The following SMARCC2 variants were observed in gnomAD, a reference collection of about 807,000 sequenced individuals.
The protein encoded by SMARCC2 is SWI/SNF related BAF chromatin remodeling complex subunit C2.
A neutral mutation model predicts 151.3 loss-of-function variants in SMARCC2; 15 were observed. The ratio of observed to expected loss-of-function variants is 0.10; its 90% CI spans 0.07 to 0.15. The LOEUF (loss-of-function observed/expected upper bound fraction) is 0.15, where lower values mean the gene tolerates loss of function less well. Ranked by LOEUF, SMARCC2 falls within the 10% of genes least tolerant of loss-of-function variation. The probability of loss-of-function intolerance (pLI) is 1.00; values close to 1 mark genes in which losing one functional copy is unlikely to be tolerated. For synonymous variants in SMARCC2, 590 were observed against 609.5 expected (o/e 0.97, Z 0.47); for missense variants, 1,031 against 1,599.7 (o/e 0.64, Z 6.06).
chr12:56,164,594 CAGGAGG>C lies in SMARCC2; in HGVS notation c.3364_3369del (p.Pro1122_Pro1123del), dbSNP rs768965678. 1.2e-6 allele frequency: 2 copies of C among 1,612,690 alleles called. No individual in the cohort carries two copies. Among genetic ancestry groups the C allele is most frequent in the African/African-American group, 1.3e-5 (1 of 74,784 alleles). ...CTACCAAATGGGATGATGGATGGAG[CAGGAGG>C]AGGAGGAGGAGGCGGCATGCCAAAA... On this transcript the variant is annotated inframe_deletion, in exon 28 of 29. Transcript: ENST00000550164.
chr12:56,178,961 GCT>G (rs774858690), intron 12 of SMARCC2, 34 bp downstream of exon 12: 1 of 1,611,738 alleles, frequency 6.2e-7, no homozygotes, highest in Non-Finnish European at 8.5e-7. Context: ...CCTTCCCTTG[GCT>G]CTGACTGCCG....
At chr12:56,166,387 G>A (rs1433464792) in intron 26 of SMARCC2, among the ~76,000 whole-genome samples, 3 of 151,912 alleles carry the variant, frequency 2.0e-5, no homozygotes, top group Non-Finnish European at 1.5e-5. Flanking sequence ...CCTTGATCTC[G>A]TGATCCACCT....
intron 25 of SMARCC2, among the ~76,000 whole-genome samples, chr12:56,169,205 G>T (rs1208204235): frequency 1.3e-5 from 2 of 152,106 alleles, no homozygotes; most frequent in Non-Finnish European, 2.9e-5. Context: ...TGAGGCAGGA[G>T]AATCACTTGA....
At chr12:56,165,269 T>G in intron 27 of SMARCC2, 49 bp downstream of exon 27, 1 of 1,451,454 alleles carries the variant, frequency 6.9e-7, no homozygotes, top group Non-Finnish European at 9.0e-7. Context: ...AACTGGGACA[T>G]TCACCTGGAT....
intron 4 of SMARCC2, 43 bp downstream of exon 4, chr12:56,184,987 T>G: frequency 1.9e-6 from 3 of 1,594,208 alleles, no homozygotes; most frequent in Non-Finnish European, 2.6e-6. Context: ...TGTTTTAGAT[T>G]CTCACTGAGG....
At position 56,187,217 on chromosome 12, in the gene SMARCC2, A is replaced by G. The variant is rs1287420906; in HGVS notation, c.201T>C (p.His67=). ...LQFQEEVFGK[H]VSNAPLTKLP... ...GTTTAGTGAGCGGTGCATTGCTGAC[A>G]TGTTTGCCAAAAACTTCTTCCTGAA... is the stretch of plus-strand genomic sequence containing the variant. The change falls in exon 2 of 29, where the codon CAT becomes CAC. Residue 67 remains histidine, a synonymous_variant. Transcript: ENST00000550164. The G allele has an allele frequency of 1.9e-6, 3 of 1,614,026 alleles. No individual in the cohort carries two copies. Among genetic ancestry groups the G allele is most frequent in the Non-Finnish European group, 2.5e-6 (3 of 1,179,926 alleles).
In SMARCC2 at chr12:56,163,638, G is replaced by A; in HGVS notation, c.*51C>T. 1 of 1,081,438 alleles carries A rather than the reference G, an allele frequency of 9.2e-7. No homozygotes were observed. The highest frequency in any genetic ancestry group is 1.3e-6 in the Non-Finnish European group (1 of 771,134). 67.0% of individuals were successfully genotyped at this position (1,081,438 alleles called of 1,614,324 possible). On this transcript the variant is annotated 3_prime_UTR_variant, in exon 29 of 29. Transcript: ENST00000550164. ...CAGTGGTGGGGGAAGGGCTGTTCCT[G>A]GAACCGTGATGTCCACAGGGGGTGA...
intron 4 of SMARCC2, 33 bp from the exon 5 acceptor site, chr12:56,184,969 G>A (rs1330385417): frequency 6.3e-7 from 1 of 1,594,008 alleles, no homozygotes; most frequent in South Asian, 1.1e-5. Flanking sequence ...GAGATTATAG[G>A]AAAGGGGTGT....
intron 3 of SMARCC2, 71 bp downstream of exon 3, chr12:56,186,084 A>G (rs1877176305): frequency 1.8e-6 from 2 of 1,089,230 alleles, no homozygotes; most frequent in Non-Finnish European, 2.8e-6. Context: ...TACCCCAGAA[A>G]GATCCCAGGG....
chr12:56,170,391 G>A (rs539726256), intron 22 of SMARCC2, among the ~76,000 whole-genome samples, 183 bp from the exon 23 acceptor site: 90 of 151,808 alleles, frequency 5.9e-4, no homozygotes, highest in Non-Finnish European at 9.0e-4. Context: ...GGTGTGAGCC[G>A]TTGCACCCAG....
At position 56,178,813 on chromosome 12, in the gene SMARCC2, G is replaced by A; in HGVS notation, c.1176C>T (p.Gly392=). Reference sequence around the variant, plus strand: ...GGCCTCTCTAAACTGGCTCCACCTTGCCCGTCGTCTCCATGCTTTCATCTT... The same window carrying A: ...GGCCTCTCTAAACTGGCTCCACCTTACCCGTCGTCTCCATGCTTTCATCTT... ...EQEDESMETT[G]KDEDENSTGN... is the part of the protein sequence containing the mutation. The change falls in exon 13 of 29, where the codon GGC becomes GGT. Residue 392 remains glycine (G), a synonymous_variant. Coordinates refer to ENST00000550164, the MANE Select transcript of SMARCC2 (RefSeq NM_001330288.2). The A allele has an allele frequency of 6.2e-7, 1 of 1,613,834 alleles. No homozygotes were observed. Among genetic ancestry groups the A allele is most frequent in the Non-Finnish European group, 8.5e-7 (1 of 1,179,732 alleles).
Position 56,172,971 on chromosome 12 carries a change from A to G in SMARCC2, c.1709T>C (p.Leu570Pro). 1 of 1,613,984 alleles carries G rather than the reference A, an allele frequency of 6.2e-7. No individual in the cohort carries two copies. Among genetic ancestry groups the G allele is most frequent in the Non-Finnish European group, 8.5e-7 (1 of 1,180,042 alleles). ...AGRKGKELDDLVPETAKGKPE... is the reference protein window; with the variant it reads ...AGRKGKELDDPVPETAKGKPE... ...CTTGCCCTTAGCCGTCTCTGGCACC[A>G]GGTCATCCAGCTCTTTGCCCTTTCG... Residue 570 changes from leucine (L) to proline (P), a missense_variant, in exon 18 of 29, where the codon CTG becomes CCG. Leu to Pro is a moderately conservative substitution (Grantham distance 98). Transcript: ENST00000550164.
chr12:56,180,001 T>TA (rs1875830847), intron 11 of SMARCC2, among the ~76,000 whole-genome samples: 1 of 152,108 alleles, frequency 6.6e-6, no homozygotes, highest in South Asian at 2.1e-4. Context: ...TGTTTGTTTT[T>TA]ATCATTCTTT....
chr12:56,186,513 G>A, intron 2 of SMARCC2: 1 of 396,018 alleles, frequency 2.5e-6, no homozygotes, highest in Non-Finnish European at 4.6e-6. Flanking sequence ...ACCACACCCG[G>A]CTAATTTTGT....
In SMARCC2 at chr12:56,171,648, A is replaced by T. The variant is rs774131911; in HGVS notation, c.2185+31T>A. 6.6e-7 allele frequency: 1 copy of T among 1,523,824 alleles called. No individual in the cohort carries two copies. The highest frequency in any genetic ancestry group is 1.4e-5 in the African/African-American group (1 of 71,780). 94.4% of individuals were successfully genotyped at this position (1,523,824 alleles called of 1,614,324 possible). The stretch of plus-strand genomic sequence containing the variant: ...ACTAGCCCTTCAAAAGCAAACTAAG[A>T]AGGCCAGGTGGAACCACCCACCCCC... On this transcript the variant is annotated intron_variant, in intron 21 of 28. Coordinates refer to ENST00000550164, the MANE Select transcript of SMARCC2 (RefSeq NM_001330288.2). This position sits in a 1 kb window ranked among gnomAD's most constrained non-coding sequence, Gnocchi z 4.2.
intron 23 of SMARCC2, 76 bp from the exon 24 acceptor site, chr12:56,169,987 G>A (rs1351465676): frequency 2.4e-5 from 36 of 1,488,606 alleles, no homozygotes; most frequent in Non-Finnish European, 3.1e-5. Context: ...GGCCAGACGG[G>A]GAACTAAATT....
intron 2 of SMARCC2, among the ~76,000 whole-genome samples, chr12:56,186,445 G>C (rs564159225): frequency 6.6e-6 from 1 of 150,720 alleles, no homozygotes; most frequent in African/African-American, 2.4e-5. Context: ...CTGCCTCCCA[G>C]GTTCAAGCAA....
At chr12:56,173,333 GAA>G (rs950220565) in intron 17 of SMARCC2, among the ~76,000 whole-genome samples, 3 of 149,438 alleles carry the variant, frequency 2.0e-5, no homozygotes, top group Non-Finnish European at 4.5e-5. Flanking sequence ...AGTGGAAATG[GAA>G]AAAAAAATGA....
intron 1 of SMARCC2, among the ~76,000 whole-genome samples, chr12:56,188,541 G>C (rs919773527): frequency 6.6e-6 from 1 of 152,200 alleles, no homozygotes; most frequent in Non-Finnish European, 1.5e-5. Flanking sequence ...AAGAGGTTTG[G>C]TAGAAAAGAC....
Sources: allele counts gnomAD v4.1 joint callset (sites outside exome capture counted in the v4.1 genomes callset), GRCh38; gene constraint gnomAD v4.1.1; non-coding constraint Gnocchi (gnomAD v3.1); transcripts MANE v1.5; gene names NCBI Gene and HGNC (gene_info 2026-07-23, HGNC 2026-07-21).